The following SLC39A1 variants were observed in gnomAD, a reference collection of about 807,000 sequenced individuals.
SLC39A1 encodes the protein zinc transporter ZIP1.
A neutral mutation model predicts 21.4 loss-of-function variants in SLC39A1; 17 were observed. That is an observed-to-expected ratio of 0.79 (90% CI 0.54 to 1.19). The LOEUF is 1.19. SLC39A1 is among the 50% of genes most tolerant of loss of function. SLC39A1 has a pLI of 0.00. For synonymous variants in SLC39A1, 183 were observed against 185.9 expected (o/e 0.98, Z 0.13); for missense variants, 343 against 399.8 (o/e 0.86, Z 1.21).
chr1:153,962,448 T>C (rs1647520637), intron 2 of SLC39A1, 81 bp downstream of exon 2: 3 of 1,574,306 alleles, frequency 1.9e-6, no homozygotes, highest in African/African-American at 1.4e-5. Flanking sequence ...CTTTCCCTCC[T>C]CCTTTGGTCA....
upstream of SLC39A1, chr1:153,964,269 T>C (rs2102144665): frequency 6.6e-6 from 1 of 152,424 alleles, no homozygotes; most frequent in African/African-American, 2.4e-5. Flanking sequence ...TCCCACCTGA[T>C]TTCCAGCCCA....
At chr1:153,964,283 C>A (rs540930061), upstream of SLC39A1, 1 of 152,420 alleles carries the variant, frequency 6.6e-6, no homozygotes, top group South Asian at 2.1e-4. Context: ...CAGCCCAGCT[C>A]CCGCCACCCT....
upstream of SLC39A1, chr1:153,966,919 TAATC>T (rs1034242530): frequency 1.9e-4 from 29 of 152,268 alleles, no homozygotes; most frequent in Non-Finnish European, 2.2e-4. Context: ...AAAATAAAAA[TAATC>T]AATCAACCCT....
Position 153,960,368 on chromosome 1 carries a change from C to A in SLC39A1, c.705G>T (p.Arg235Ser). The A allele has an allele frequency of 6.2e-7, 1 of 1,614,010 alleles. No individual in the cohort carries two copies. The highest frequency in any genetic ancestry group is 2.2e-5 in the East Asian group (1 of 44,896). Residue 235 changes from arginine to serine, a missense_variant, in exon 4 of 4, where the codon AGG becomes AGT. By Grantham distance (110) the Arg-to-Ser change is moderately radical (BLOSUM62 -1). Transcript: ENST00000356205. ...LSLRLLQSHL[R>S]AQVVAGCGIL... ...TCCCACAGCCAGCCACCACCTGTGC[C>A]CTAAGGTGGCTCTGCAACAGCCGCA...
At chr1:153,963,055 G>A (rs1281910043) in intron 1 of SLC39A1, 3 of 227,292 alleles carry the variant, frequency 1.3e-5, no homozygotes, top group Non-Finnish European at 2.6e-5. Flanking sequence ...CCTCCAAATA[G>A]GACCTGGAGC....
In SLC39A1 at chr1:153,960,256, A is replaced by C; in HGVS notation, c.817T>G (p.Ser273Ala). The C allele has an allele frequency of 1.2e-6, 2 of 1,614,122 alleles. No individual in the cohort carries two copies. The highest frequency in any genetic ancestry group is 1.7e-6 in the Non-Finnish European group (2 of 1,180,036). The change falls in exon 4 of 4, where the codon TCT becomes GCT. Residue 273 changes from serine to alanine, a missense_variant. Coordinates refer to ENST00000356205, the MANE Select transcript of SLC39A1 (RefSeq NM_001271958.2). ...CCAGCTGCCATGCCCTCTAGCACAG[A>C]CTGGGCCAGCTGGTGCAGAGGTCCT... ...SAGPLHQLAQ[S>A]VLEGMAAGTF...
At position 153,960,333 on chromosome 1, in the gene SLC39A1, G is replaced by T; in HGVS notation, c.740C>A (p.Ser247Ter). 1.9e-6 allele frequency: 3 copies of T among 1,614,060 alleles called. No individual in the cohort carries two copies. The highest frequency in any genetic ancestry group is 2.5e-6 in the Non-Finnish European group (3 of 1,180,048). The change falls in exon 4 of 4, where the codon TCA (serine) becomes TAA (stop). Residue 247 changes from serine (S) to a stop codon, truncating the protein, a stop_gained. Coordinates refer to ENST00000356205, the MANE Select transcript of SLC39A1 (RefSeq NM_001271958.2). LOFTEE classifies it high-confidence loss of function. ...CCCGATGCCTAGAGGTGTCATGCAT[G>T]AGAAGAGGATCCCACAGCCAGCCAC... The part of the protein sequence containing the change: ...QVVAGCGILF[S>*]CMTPLGIGLG...
Position 153,960,594 on chromosome 1 carries a change from T to C in SLC39A1, c.479A>G (p.His160Arg). Reference sequence around the variant, plus strand: ...CGCCTGTGGGACCCCTGGCCCATCATGCCAATGCTGCGGCCCACCATTCAC... The same window carrying C: ...CGCCTGTGGGACCCCTGGCCCATCACGCCAATGCTGCGGCCCACCATTCAC... ...GTVNGGPQHW[H>R]DGPGVPQASG... Residue 160 changes from histidine to arginine, a missense_variant, in exon 4 of 4, where the codon CAT (histidine) becomes CGT (arginine). Physicochemically the swap from His to Arg is conservative, Grantham distance 29. Coordinates refer to ENST00000356205, the MANE Select transcript of SLC39A1 (RefSeq NM_001271958.2). 1 of 1,614,224 alleles carries C rather than the reference T, an allele frequency of 6.2e-7. No individual in the cohort carries two copies. Among genetic ancestry groups the C allele is most frequent in the Non-Finnish European group, 8.5e-7 (1 of 1,180,046 alleles).
At position 153,962,434 on chromosome 1, in the gene SLC39A1, T is replaced by C. The variant is rs755761550; in HGVS notation, c.188-84A>G. 4 of 1,577,344 alleles carry C rather than the reference T, an allele frequency of 2.5e-6. No homozygotes were observed. In the South Asian group the frequency reaches 3.5e-5, roughly 14 times the overall value. ...ACCCCAACCCAAACAATGGCTACCC[T>C]TGCCTTTCCCTCCTCCTTTGGTCAC... On this transcript the variant is annotated intron_variant, in intron 2 of 3. Transcript: ENST00000356205.
At position 153,962,964 on chromosome 1, in the gene SLC39A1, A is replaced by T. The variant is rs1238515623; in HGVS notation, c.-32-217T>A. The T allele has an allele frequency of 1.5e-5, 6 of 409,952 alleles. No individual in the cohort carries two copies. The East Asian group carries it at 2.2e-4, about 15-fold the overall frequency. The allele number at this position is 409,952 out of a possible 1,614,324, so 25.4% of individuals were successfully genotyped here. A position where few individuals can be genotyped will look rare whatever the true frequency, so the allele number is the denominator to read the frequency against. On this transcript the variant is annotated intron_variant, in intron 1 of 3. Transcript: ENST00000356205. Reference sequence around the variant, plus strand: ...TATTCAGGGAGACTGCACGGGGGAAACCGAGGCATGAGAAAGGCTGTATGG... The same window carrying T: ...TATTCAGGGAGACTGCACGGGGGAATCCGAGGCATGAGAAAGGCTGTATGG...
chr1:153,966,689 C>T (rs1647808281), upstream of SLC39A1: 1 of 152,182 alleles, frequency 6.6e-6, no homozygotes, highest in Non-Finnish European at 1.5e-5. Flanking sequence ...ATGGAAATGC[C>T]TGACTAGACC....
chr1:153,967,982 C>T (rs1436821640), upstream of SLC39A1: 2 of 152,570 alleles, frequency 1.3e-5, no homozygotes, highest in African/African-American at 2.4e-5. Context: ...TCCTGTGCTC[C>T]AGTCACAGCC....
Position 153,960,130 on chromosome 1 carries a change from G to A in SLC39A1, c.943C>T (p.Leu315=), listed in dbSNP as rs766508650. The stretch of plus-strand genomic sequence containing the variant: ...TGGATGAAGAGCAGGCCAGTGAGCA[G>A]GGCAAAGCCTGCTAGGAGCAGAATG... ...KVILLLAGFA[L]LTGLLFIQI is the part of the protein sequence containing the mutation. Residue 315 remains leucine, a synonymous_variant, in exon 4 of 4, where the codon CTG becomes TTG. Coordinates refer to ENST00000356205, the MANE Select transcript of SLC39A1 (RefSeq NM_001271958.2). 2.2e-5 allele frequency: 36 copies of A among 1,613,404 alleles called. No homozygotes were observed. Among genetic ancestry groups the A allele is most frequent in the African/African-American group, 8.0e-5 (6 of 74,948 alleles).
chr1:153,966,150 C>T (rs1184636179), upstream of SLC39A1, among the ~76,000 whole-genome samples: 4 of 152,184 alleles, frequency 2.6e-5, no homozygotes, highest in African/African-American at 7.2e-5. Flanking sequence ...AACAGCTTTG[C>T]TTTCCTTGGA....
Position 153,960,011 on chromosome 1 carries a change from T to C in SLC39A1, c.*87A>G. On this transcript the variant is annotated 3_prime_UTR_variant, in exon 4 of 4. Transcript: ENST00000356205. Reference sequence around the variant, plus strand: ...TGGTCCTCAGTATTTCCCTTCCCCTTTCCTTCCTATTCCCCACAACTGGGG... The same window carrying C: ...TGGTCCTCAGTATTTCCCTTCCCCTCTCCTTCCTATTCCCCACAACTGGGG... 1 of 1,478,850 alleles carries C rather than the reference T, an allele frequency of 6.8e-7. No homozygotes were observed. The allele number at this position is 1,478,850 out of a possible 1,614,324, so 91.6% of individuals were successfully genotyped here. A position where few individuals can be genotyped will look rare whatever the true frequency, so the allele number is the denominator to read the frequency against.
In SLC39A1 at chr1:153,960,182, G is replaced by A. The variant is rs1461210181; in HGVS notation, c.891C>T (p.Ala297=). Residue 297 remains alanine (A), a synonymous_variant, in exon 4 of 4, where the codon GCC becomes GCT. Transcript: ENST00000356205. ...CCTTGAGGATCCTTTGCTCAGAACT[G>A]GCCAGCTCCTGGGGCAGGATTTCCA... ...TFLEILPQEL[A]SSEQRILKVI... is the part of the protein sequence containing the mutation. 2 of 1,614,228 alleles carry A rather than the reference G, an allele frequency of 1.2e-6. No individual in the cohort carries two copies. The highest frequency in any genetic ancestry group is 1.7e-6 in the Non-Finnish European group (2 of 1,180,038).
chr1:153,960,670 C>T lies in SLC39A1; in HGVS notation c.403G>A (p.Glu135Lys), dbSNP rs1390586449. Residue 135 changes from glutamate to lysine, a missense_variant, in exon 4 of 4, where the codon GAG (glutamate) becomes AAG (lysine). Glu to Lys is a moderately conservative substitution (Grantham distance 56, BLOSUM62 1). Transcript: ENST00000356205. The stretch of plus-strand genomic sequence containing the variant: ...TCCAGAGGTGACGGCCCTGACTGCT[C>T]CTTGTAAGCCAGTGTGATCTGCTCC... ...VMEQITLAYKEQSGPSPLEET... is the reference protein window; with the variant it reads ...VMEQITLAYKKQSGPSPLEET... The T allele has an allele frequency of 6.2e-7, 1 of 1,614,178 alleles. No homozygotes were observed. The highest frequency in any genetic ancestry group is 1.7e-5 in the Admixed American group (1 of 60,034).
chr1:153,967,521 C>G (rs1216210596), upstream of SLC39A1: 3 of 152,202 alleles, frequency 2.0e-5, no homozygotes, highest in Admixed American at 6.5e-5. Context: ...CGCAGTGGCT[C>G]GCGCCTGTGG....
Position 153,960,277 on chromosome 1 carries a change from G to A in SLC39A1, c.796C>T (p.Pro266Ser). The change falls in exon 4 of 4, where the codon CCT (proline) becomes TCT (serine). Residue 266 changes from proline (P) to serine (S), a missense_variant. Transcript: ENST00000356205. ...LGAALAESAG[P>S]LHQLAQSVLE... The stretch of plus-strand genomic sequence containing the variant: ...ACAGACTGGGCCAGCTGGTGCAGAG[G>A]TCCTGCCGACTCTGCCAGAGCTGCA... 6.2e-7 allele frequency: 1 copy of A among 1,614,094 alleles called. No individual in the cohort carries two copies. Among genetic ancestry groups the A allele is most frequent in the Non-Finnish European group, 8.5e-7 (1 of 1,180,046 alleles).
Sources: allele counts gnomAD v4.1 joint callset (sites outside exome capture counted in the v4.1 genomes callset), GRCh38; gene constraint gnomAD v4.1.1; transcripts MANE v1.5; gene names NCBI Gene and HGNC (gene_info 2026-07-23, HGNC 2026-07-21).